DAB1: variants seen among roughly 807,000 people sequenced by gnomAD.
The protein encoded by DAB1 is DAB adaptor protein 1.
A neutral mutation model predicts 64.6 loss-of-function variants in DAB1; 15 were observed. The observed-to-expected ratio is 0.23, with a 90% CI of 0.16 to 0.36. The LOEUF (loss-of-function observed/expected upper bound fraction) is 0.36, where lower values mean the gene tolerates loss of function less well. Ranked by LOEUF, DAB1 falls within the 10% of genes least tolerant of loss-of-function variation. The probability of loss-of-function intolerance (pLI) is 1.00; values close to 1 mark genes in which losing one functional copy is unlikely to be tolerated. For missense variants in DAB1, 596 were observed against 706.7 expected (o/e 0.84, Z 1.78); for synonymous variants, 235 against 251.9 (o/e 0.93, Z 0.64).
rs374114685 is a variant in DAB1 at position 57,209,003 on chromosome 1, CAGTTCAACTGCT to C, written c.68-63586_68-63575del. ...TGTTGCTGGAGACACACAAGGCATACAGTTCAACTGCTAGTTTCTCCTTGAGAAGGTGAGCTG... is the reference window on the plus strand; with the variant it reads ...TGTTGCTGGAGACACACAAGGCATACAGTTTCTCCTTGAGAAGGTGAGCTG... On this transcript the variant is annotated intron_variant, in intron 2 of 14. Transcript: ENST00000371236. 3.7e-3 allele frequency among the ~76,000 whole-genome samples: 559 copies of C among 152,344 alleles called. 2 individuals carry two copies. The highest frequency in any genetic ancestry group is 0.013 in the African/African-American group (534 of 41,582).
At chr1:57,386,604 A>T (rs1681880324) in intron 1 of DAB1, 1 of 152,248 alleles carries the variant, frequency 6.6e-6, no homozygotes, top group East Asian at 1.9e-4. Flanking sequence ...TTGCAGATGA[A>T]CAAACTGAGG....
At chr1:57,075,004 G>A (rs565680362) in intron 4 of DAB1, among the ~76,000 whole-genome samples, 1 of 152,154 alleles carries the variant, frequency 6.6e-6, no homozygotes, top group Non-Finnish European at 1.5e-5. Context: ...GCGCTAAAAT[G>A]GTAGGCAGCA....
intron 3 of DAB1, among the ~76,000 whole-genome samples, chr1:58,387,433 T>G (rs1198061637): frequency 6.6e-6 from 1 of 152,174 alleles, no homozygotes; most frequent in African/African-American, 2.4e-5. Context: ...GAGTGAGTGA[T>G]TTTTAGGGAA....
chr1:57,126,582 T>G (rs1195115531), intron 4 of DAB1, among the ~76,000 whole-genome samples: 1 of 152,188 alleles, frequency 6.6e-6, no homozygotes, highest in Non-Finnish European at 1.5e-5. Context: ...AGAGGTTCAG[T>G]GATTCATCAA....
rs376236652 is a variant in DAB1 at position 57,827,570 on chromosome 1, A to G, written n.88-1115T>C. On this transcript the variant is annotated intron_variant and non_coding_transcript_variant, in intron 1 of 1. Coordinates refer to the DAB1 transcript ENST00000477280. ...GATGGTGAAGATTTAACACAGTGCCAGGAGTGCCAGGCAATACTTGGTACT... is the reference window on the plus strand; with the variant it reads ...GATGGTGAAGATTTAACACAGTGCCGGGAGTGCCAGGCAATACTTGGTACT... Among the ~76,000 whole-genome samples, 540 of 152,314 alleles carry G rather than the reference A, an allele frequency of 3.5e-3. 2 individuals carry two copies. The highest frequency in any genetic ancestry group is 0.02 in the Middle Eastern group (6 of 294).
intron 2 of DAB1, among the ~76,000 whole-genome samples, chr1:57,265,706 C>A (rs1026788437): frequency 3.9e-5 from 6 of 152,142 alleles, no homozygotes; most frequent in African/African-American, 1.4e-4. Flanking sequence ...AAAACCAGCA[C>A]TCGTGGACGG....
Position 57,329,845 on chromosome 1 carries a change from A to G in DAB1, c.-136-38679T>C, listed in dbSNP as rs74370822. On this transcript the variant is annotated intron_variant, in intron 1 of 14. Coordinates refer to ENST00000371236, the MANE Select transcript of DAB1 (RefSeq NM_001365792.1). Reference sequence around the variant, plus strand: ...ACTATCAAATAATCTGGAAGAGGTCAATCAATAAAAATAATTGAATAATTG... The same window carrying G: ...ACTATCAAATAATCTGGAAGAGGTCGATCAATAAAAATAATTGAATAATTG... Among the ~76,000 whole-genome samples the G allele has an allele frequency of 3.1e-3, 470 of 152,314 alleles. 5 individuals carry two copies. Among genetic ancestry groups the G allele is most frequent in the Non-Finnish European group, 2.4e-3 (163 of 68,032 alleles).
At chr1:57,317,242 C>G (rs987662555) in intron 1 of DAB1, among the ~76,000 whole-genome samples, 7 of 152,176 alleles carry the variant, frequency 4.6e-5, no homozygotes, top group East Asian at 1.9e-4. Flanking sequence ...AGCCTGGAAA[C>G]AGATCCATCC....
At chr1:57,057,865 C>T (rs1158017340) in intron 9 of DAB1, among the ~76,000 whole-genome samples, 1 of 152,084 alleles carries the variant, frequency 6.6e-6, no homozygotes, top group Non-Finnish European at 1.5e-5. Context: ...GCCTTGGCCT[C>T]CCAAAGTGCT....
At chr1:57,711,367 T>C (rs1370346114) in intron 6 of DAB1, among the ~76,000 whole-genome samples, 2 of 152,228 alleles carry the variant, frequency 1.3e-5, no homozygotes, top group Non-Finnish European at 2.9e-5. Flanking sequence ...TCCCTCCCTT[T>C]GGATTTCATA....
At chr1:57,662,424 G>A (rs766828101) in intron 6 of DAB1, among the ~76,000 whole-genome samples, 111 of 152,246 alleles carry the variant, frequency 7.3e-4, no homozygotes, top group Non-Finnish European at 1.2e-3. Context: ...TCGAACTCCC[G>A]ACCTCAGGTG....
At chr1:58,261,613 A>T (rs1241902724) in intron 4 of DAB1, among the ~76,000 whole-genome samples, 1 of 152,148 alleles carries the variant, frequency 6.6e-6, no homozygotes, top group Non-Finnish European at 1.5e-5. Flanking sequence ...GATTCATGCA[A>T]AAAGAAAATC....
At chr1:57,482,803 T>C (rs1480655304) in intron 7 of DAB1, among the ~76,000 whole-genome samples, 1 of 152,214 alleles carries the variant, frequency 6.6e-6, no homozygotes, top group Non-Finnish European at 1.5e-5. Context: ...GTGGATTTTA[T>C]TATCCCCATT....
intron 4 of DAB1, among the ~76,000 whole-genome samples, chr1:57,089,457 C>T (rs990334525): frequency 1.3e-5 from 2 of 152,054 alleles, no homozygotes; most frequent in Non-Finnish European, 2.9e-5. Flanking sequence ...TCCAGAGCAA[C>T]CCCTTATTGC....
intron 3 of DAB1, among the ~76,000 whole-genome samples, chr1:58,407,512 G>T (rs1450805400): frequency 6.6e-6 from 1 of 152,160 alleles, no homozygotes; most frequent in Non-Finnish European, 1.5e-5. Context: ...ATATTTTCGG[G>T]TGTCACACCT....
intron 7 of DAB1, among the ~76,000 whole-genome samples, chr1:57,498,819 C>G (rs1407205246): frequency 6.6e-6 from 1 of 152,142 alleles, no homozygotes; most frequent in African/African-American, 2.4e-5. Flanking sequence ...TGAAGTGACT[C>G]TAGCATGTTT....
At chr1:58,503,178 A>G (rs1261840629) in intron 3 of DAB1, among the ~76,000 whole-genome samples, 1 of 152,228 alleles carries the variant, frequency 6.6e-6, no homozygotes. Context: ...TTAGAATTTC[A>G]TTGAGCGAAA....
At chr1:57,967,492 A>G (rs565631594) in intron 5 of DAB1, among the ~76,000 whole-genome samples, 7 of 152,234 alleles carry the variant, frequency 4.6e-5, no homozygotes, top group African/African-American at 1.7e-4. Flanking sequence ...ATGGCTCAAT[A>G]AGATGTGCTA....
chr1:57,324,048 A>C (rs1675952333), intron 1 of DAB1, among the ~76,000 whole-genome samples: 1 of 152,230 alleles, frequency 6.6e-6, no homozygotes, highest in Non-Finnish European at 1.5e-5. Context: ...AAGAGCTAAG[A>C]TACAGAAAAC....
Sources: gnomAD v4.1 joint callset for allele counts (sites outside exome capture counted in the v4.1 genomes callset) on GRCh38, gnomAD v4.1.1 for gene constraint, MANE v1.5 for transcripts, NCBI Gene and HGNC (gene_info 2026-07-23, HGNC 2026-07-21) for gene names.